Variants in NBPF15 observed in about 807,000 individuals in gnomAD.
NBPF15 encodes the protein NBPF family member NBPF15.
Under a neutral mutation model 62.2 loss-of-function variants are expected in NBPF15, and 74 were observed. The observed-to-expected ratio is 1.19, with a 90% CI of 0.99 to 1.44. NBPF15 has a LOEUF of 1.44. Ranked by LOEUF, NBPF15 falls within the 40% of genes most tolerant of loss-of-function variation. The pLI is 0.00. For synonymous variants in NBPF15, 244 were observed against 209.7 expected (o/e 1.16, Z -1.41); for missense variants, 790 against 550.0 (o/e 1.44, Z -4.36).
At position 144,422,959 on chromosome 1, in the gene NBPF15, G is replaced by C. The variant is rs200131555; in HGVS notation, c.*54C>G. ...ACTGTACTTTCATTCAAATCTTCTC[G>C]TGCCTATAGGTCCTGCCTGCAGGAA... On this transcript the variant is annotated 3_prime_UTR_variant, in exon 22 of 22. Transcript: ENST00000581897. 6.2e-6 allele frequency: 10 copies of C among 1,611,504 alleles called. No homozygotes were observed. The highest frequency in any genetic ancestry group is 4.4e-5 in the South Asian group (4 of 90,956).
intron 2 of NBPF15, among the ~76,000 whole-genome samples, chr1:144,459,832 A>T (rs1197295450): frequency 2.0e-5 from 3 of 151,530 alleles, no homozygotes; most frequent in African/African-American, 7.3e-5. Context: ...ATCAGCAAGG[A>T]TGTGGGGTAA....
At chr1:144,451,637 C>T (rs1240371575) in intron 4 of NBPF15, among the ~76,000 whole-genome samples, 2 of 151,736 alleles carry the variant, frequency 1.3e-5, no homozygotes, top group South Asian at 2.1e-4. Flanking sequence ...AAGCATGCTG[C>T]CTTCAAGCAT....
At chr1:144,429,253 T>C (rs1183908214) in intron 14 of NBPF15, among the ~76,000 whole-genome samples, 1 of 148,892 alleles carries the variant, frequency 6.7e-6, no homozygotes, top group African/African-American at 2.6e-5. Flanking sequence ...CTGGGTCACA[T>C]CTTTCACTGA....
rs1381846771 is a variant in NBPF15, at chr1:144,433,166, T to A, written c.824+607A>T. Among the ~76,000 whole-genome samples the A allele has an allele frequency of 2.0e-5, 3 of 151,962 alleles. 1 individual carries two copies. The highest frequency in any genetic ancestry group is 4.4e-5 in the Non-Finnish European group (3 of 67,976). On this transcript the variant is annotated intron_variant, in intron 13 of 21. Transcript: ENST00000581897. ...AGAAACTCACTCAAAACCGCACAACTACATGGAAACTCAACAACCTGCTCC... is the reference window on the plus strand; with the variant it reads ...AGAAACTCACTCAAAACCGCACAACAACATGGAAACTCAACAACCTGCTCC...
intron 20 of NBPF15, 42 bp from the exon 21 acceptor site, chr1:144,424,017 C>A (rs587709826): frequency 9.2e-6 from 7 of 762,102 alleles, no homozygotes; most frequent in African/African-American, 8.5e-5. Context: ...TAAGCTGATT[C>A]CCCTACACAT....
chr1:144,442,285 ATATAT>A (rs1416902592), intron 6 of NBPF15, among the ~76,000 whole-genome samples: 1 of 120,654 alleles, frequency 8.3e-6, no homozygotes, highest in Non-Finnish European at 1.7e-5. Context: ...ATACACGTGT[ATATAT>A]TATATATATA....
chr1:144,437,418 G>A (rs1679320160), intron 9 of NBPF15, among the ~76,000 whole-genome samples: 1 of 147,008 alleles, frequency 6.8e-6, no homozygotes, highest in Non-Finnish European at 1.5e-5. Flanking sequence ...CTCTGGCCAT[G>A]GACATTTCCA....
chr1:144,444,797 T>A (rs191070998), intron 6 of NBPF15, among the ~76,000 whole-genome samples: 1 of 152,090 alleles, frequency 6.6e-6, no homozygotes, highest in East Asian at 1.9e-4. Flanking sequence ...ATCTGTGTCT[T>A]GTTACTGAGC....
At chr1:144,457,330 ATCTG>A (rs1229007213) in intron 3 of NBPF15, among the ~76,000 whole-genome samples, 1 of 151,958 alleles carries the variant, frequency 6.6e-6, no homozygotes, top group Admixed American at 6.6e-5. Flanking sequence ...TATCTGGTCT[ATCTG>A]TACACGTATA....
intron 6 of NBPF15, among the ~76,000 whole-genome samples, chr1:144,442,116 A>AT (rs1553542812): frequency 8.6e-4 from 53 of 61,814 alleles, no homozygotes; most frequent in East Asian, 4.2e-3. Flanking sequence ...ATATATATAT[A>AT]ATATATATAC....
chr1:144,439,480 C>T (rs1317293900), intron 8 of NBPF15, among the ~76,000 whole-genome samples: 1 of 151,990 alleles, frequency 6.6e-6, no homozygotes, highest in East Asian at 1.9e-4. Context: ...ACATTTAGAA[C>T]AACAGACTAG....
intron 4 of NBPF15, among the ~76,000 whole-genome samples, chr1:144,453,695 T>C (rs1161435123): frequency 2.1e-5 from 2 of 93,620 alleles, no homozygotes; most frequent in Admixed American, 2.3e-4. Flanking sequence ...TAATAAGATA[T>C]ACAGATGGCA....
Position 144,422,948 on chromosome 1 carries a change from C to A in NBPF15, c.*65G>T. Reference sequence around the variant, plus strand: ...TTCCAAATGGAACTGTACTTTCATTCAAATCTTCTCGTGCCTATAGGTCCT... The same window carrying A: ...TTCCAAATGGAACTGTACTTTCATTAAAATCTTCTCGTGCCTATAGGTCCT... On this transcript the variant is annotated 3_prime_UTR_variant, in exon 22 of 22. Transcript: ENST00000581897. 2 of 1,611,556 alleles carry A rather than the reference C, an allele frequency of 1.2e-6. No homozygotes were observed. Among genetic ancestry groups the A allele is most frequent in the Non-Finnish European group, 1.7e-6 (2 of 1,179,580 alleles).
At chr1:144,444,839 G>A (rs1184378255) in intron 6 of NBPF15, among the ~76,000 whole-genome samples, 1 of 151,886 alleles carries the variant, frequency 6.6e-6, no homozygotes, top group Admixed American at 6.6e-5. Context: ...CCTCAGGTTG[G>A]TCTGGAAACA....
intron 6 of NBPF15, among the ~76,000 whole-genome samples, chr1:144,447,627 G>C (rs1195423644): frequency 1.3e-5 from 2 of 151,758 alleles, no homozygotes; most frequent in Non-Finnish European, 2.9e-5. Context: ...GGATGTTATG[G>C]GGAAACAAAA....
intron 6 of NBPF15, among the ~76,000 whole-genome samples, chr1:144,440,905 G>A (rs1430802718): frequency 2.0e-5 from 3 of 151,252 alleles, no homozygotes; most frequent in Non-Finnish European, 4.4e-5. Context: ...TCCTGACCTC[G>A]TGATCTGCCG....
intron 8 of NBPF15, 54 bp downstream of exon 8, chr1:144,439,775 G>A: frequency 7.2e-7 from 1 of 1,385,196 alleles, no homozygotes; most frequent in Non-Finnish European, 1.0e-6. Context: ...GTGTCTCAGA[G>A]AGAAGACAGG....
At chr1:144,436,088 G>A (rs1357678986) in intron 10 of NBPF15, among the ~76,000 whole-genome samples, 3 of 151,854 alleles carry the variant, frequency 2.0e-5, no homozygotes, top group African/African-American at 7.3e-5. Context: ...AAGACCTTTT[G>A]CTTCCCATAT....
intron 15 of NBPF15, 116 bp downstream of exon 15, chr1:144,428,490 A>G: frequency 1.2e-6 from 1 of 867,130 alleles, no homozygotes; most frequent in Non-Finnish European, 1.9e-6. Context: ...TAGTAGGCAT[A>G]ATTCAGACTT....
Sources: allele counts gnomAD v4.1 joint callset (sites outside exome capture counted in the v4.1 genomes callset), GRCh38; gene constraint gnomAD v4.1.1; transcripts MANE v1.5; gene names NCBI Gene and HGNC (gene_info 2026-07-23, HGNC 2026-07-21).